PIGN: variants seen among roughly 807,000 people sequenced by gnomAD.
The protein encoded by PIGN is phosphatidylinositol glycan anchor biosynthesis class N.
In PIGN, 117 loss-of-function variants were observed where a neutral mutation model predicts 125.4. The ratio of observed to expected loss-of-function variants is 0.93; its 90% CI spans 0.80 to 1.09. The LOEUF (loss-of-function observed/expected upper bound fraction) is 1.09, where lower values mean the gene tolerates loss of function less well. Among genes scored for constraint, PIGN ranks in the 50% least tolerant of loss-of-function variants. The pLI is 0.00. For missense variants in PIGN, 1,075 were observed against 1,094.9 expected (o/e 0.98, Z 0.26); for synonymous variants, 392 against 377.8 (o/e 1.04, Z -0.44).
intron 14 of PIGN, among the ~76,000 whole-genome samples, chr18:62,115,246 A>G (rs2035044011): frequency 6.6e-6 from 1 of 152,186 alleles, no homozygotes; most frequent in South Asian, 2.1e-4. Context: ...CACTAAATAC[A>G]CAAGAGAAAT....
chr18:62,084,644 A>C (rs912883226), intron 26 of PIGN, 38 bp from the exon 27 acceptor site: 2 of 1,202,272 alleles, frequency 1.7e-6, no homozygotes, highest in Non-Finnish European at 2.4e-6. Flanking sequence ...TTTAGAATTC[A>C]CTCTGTAACT....
chr18:62,126,347 A>C (rs541817376), intron 14 of PIGN, among the ~76,000 whole-genome samples: 2 of 152,250 alleles, frequency 1.3e-5, no homozygotes, highest in East Asian at 3.9e-4. Context: ...TAGTGTTTGC[A>C]AACTGACAAG....
chr18:62,141,299 A>G (rs745780656), intron 11 of PIGN, among the ~76,000 whole-genome samples: 6 of 152,232 alleles, frequency 3.9e-5, no homozygotes, highest in Non-Finnish European at 8.8e-5. Context: ...GAGGTGTGAC[A>G]GGATTAAATG....
At chr18:62,025,309 G>C (rs2030103622) in intron 23 of PIGN, among the ~76,000 whole-genome samples, 1 of 152,162 alleles carries the variant, frequency 6.6e-6, no homozygotes, top group African/African-American at 2.4e-5. Flanking sequence ...TAAATGAAAA[G>C]CCAGTATATT....
chr18:62,099,669 T>C (rs1316123084), intron 22 of PIGN, among the ~76,000 whole-genome samples: 6 of 152,016 alleles, frequency 3.9e-5, no homozygotes, highest in Non-Finnish European at 8.8e-5. Flanking sequence ...CACATATTTA[T>C]AGCCAACTCA....
chr18:62,115,089 A>G (rs2035037807), intron 14 of PIGN, among the ~76,000 whole-genome samples: 1 of 152,198 alleles, frequency 6.6e-6, no homozygotes, highest in South Asian at 2.1e-4. Flanking sequence ...TTATTATCAA[A>G]GAGCTCCAGG....
chr18:62,168,376 A>T (rs115625383), intron 1 of PIGN, among the ~76,000 whole-genome samples: 1 of 152,156 alleles, frequency 6.6e-6, no homozygotes, highest in Non-Finnish European at 1.5e-5. Flanking sequence ...CCCTTAGCAT[A>T]TTCACCTAAA....
intron 1 of PIGN, among the ~76,000 whole-genome samples, chr18:62,167,868 C>T (rs758813686): frequency 1.1e-4 from 16 of 151,574 alleles, no homozygotes; most frequent in South Asian, 4.2e-4. Context: ...ATTTTTTTAA[C>T]GGTGTATATA....
At chr18:62,099,490 G>A (rs1023757030) in intron 22 of PIGN, among the ~76,000 whole-genome samples, 4 of 143,002 alleles carry the variant, frequency 2.8e-5, no homozygotes, top group Non-Finnish European at 6.2e-5. Context: ...AATAGCCAAA[G>A]CAATCTTAAG....
chr18:62,118,347 G>A (rs1291908970), intron 14 of PIGN, among the ~76,000 whole-genome samples: 1 of 150,266 alleles, frequency 6.7e-6, no homozygotes, highest in East Asian at 2.0e-4. Flanking sequence ...GAAGCTTTGG[G>A]CATAGCAATG....
chr18:62,138,912 C>A, intron 13 of PIGN, 71 bp downstream of exon 13: 2 of 739,662 alleles, frequency 2.7e-6, no homozygotes, highest in Non-Finnish European at 4.4e-6. Flanking sequence ...AATATTTTCC[C>A]TAAATATATT....
chr18:62,068,532 G>A (rs2032656996), intron 30 of PIGN, among the ~76,000 whole-genome samples: 1 of 152,116 alleles, frequency 6.6e-6, no homozygotes, highest in Non-Finnish European at 1.5e-5. Context: ...CCTGGAAATT[G>A]GTGGATCTGA....
intron 1 of PIGN, among the ~76,000 whole-genome samples, chr18:62,175,141 G>A (rs1366464015): frequency 6.7e-6 from 1 of 149,234 alleles, no homozygotes; most frequent in Non-Finnish European, 1.5e-5. Flanking sequence ...GTCCAGTTGA[G>A]TTTTGTTTTC....
chr18:62,141,924 C>A (rs545430835), intron 11 of PIGN, among the ~76,000 whole-genome samples: 1 of 152,306 alleles, frequency 6.6e-6, no homozygotes, highest in Admixed American at 6.5e-5. Flanking sequence ...CACATTTCCT[C>A]TGCCTGAAAA....
At chr18:62,118,690 C>T in intron 14 of PIGN, 1 of 150,672 alleles carries the variant, frequency 6.6e-6, no homozygotes, top group East Asian at 1.9e-4. Flanking sequence ...AAATAATATA[C>T]ATTTTCATTG....
intron 13 of PIGN, among the ~76,000 whole-genome samples, 194 bp downstream of exon 13, chr18:62,138,789 A>T (rs746304334): frequency 3.9e-5 from 6 of 151,918 alleles, no homozygotes; most frequent in Non-Finnish European, 7.4e-5. Context: ...CCTCAAACAC[A>T]ATTTTATGTC....
chr18:62,091,708 T>C (rs998168658), intron 23 of PIGN, among the ~76,000 whole-genome samples: 1 of 152,168 alleles, frequency 6.6e-6, no homozygotes, highest in African/African-American at 2.4e-5. Context: ...TAGAAGCCTT[T>C]TCTAAACAGT....
In PIGN at chr18:62,138,997, G is replaced by T. The variant is rs142508030; in HGVS notation, c.1102C>A (p.Leu368Ile). 1.2e-6 allele frequency: 2 copies of T among 1,603,014 alleles called. No homozygotes were observed. The highest frequency in any genetic ancestry group is 1.7e-5 in the Admixed American group (1 of 59,566). The part of the protein sequence containing the change: ...ESMFTNAVQI[L>I]EQFKVKMTQK... ...TTTTTTTTTACCTTGAACTGTTCAA[G>T]AATCTGTACTGCATTTGTAAACATG... is the stretch of plus-strand genomic sequence containing the variant. The change falls in exon 13 of 31, where the codon CTT becomes ATT. Residue 368 changes from leucine (L) to isoleucine (I), a missense_variant. Transcript: ENST00000640252.
At position 62,072,636 on chromosome 18, in the gene PIGN, C is replaced by T. The variant is rs767532789; in HGVS notation, c.2672+37G>A. 1.4e-5 allele frequency: 21 copies of T among 1,486,484 alleles called. No homozygotes were observed. The African/African-American group carries it at 2.6e-4, about 19-fold the overall frequency. 92.1% of individuals were successfully genotyped at this position (1,486,484 alleles called of 1,614,324 possible). A position where few individuals can be genotyped will look rare whatever the true frequency, so the allele number is the denominator to read the frequency against. On this transcript the variant is annotated intron_variant, in intron 30 of 30. Coordinates refer to ENST00000640252, the MANE Select transcript of PIGN (RefSeq NM_176787.5). ...AACAATATATTTCTCAGAACTTATC[C>T]CTGTTGTTAAGCAATGCATGACCAT...
Sources: allele counts gnomAD v4.1 joint callset (sites outside exome capture counted in the v4.1 genomes callset), GRCh38; gene constraint gnomAD v4.1.1; transcripts MANE v1.5; gene names NCBI Gene and HGNC (gene_info 2026-07-23, HGNC 2026-07-21).